CEP112: variants seen among roughly 807,000 people sequenced by gnomAD.
CEP112 encodes centrosomal protein of 112 kDa.
A neutral mutation model predicts 153.0 loss-of-function variants in CEP112; 127 were observed. The ratio of observed to expected loss-of-function variants is 0.83; its 90% CI spans 0.72 to 0.96. The LOEUF (loss-of-function observed/expected upper bound fraction) is 0.96. Among genes scored for constraint, CEP112 ranks in the 40% least tolerant of loss-of-function variants. The pLI, the probability that CEP112 is intolerant of heterozygous loss-of-function variation, is 0.00. For missense variants in CEP112, 1,089 were observed against 1,101.2 expected, an observed-to-expected ratio of 0.99 and a Z score of 0.16; for synonymous variants, 358 against 374.4, an observed-to-expected ratio of 0.96 and a Z score of 0.51.
At chr17:66,019,679 T>C (rs542077355) in intron 16 of CEP112, among the ~76,000 whole-genome samples, 1 of 152,326 alleles carries the variant, frequency 6.6e-6, no homozygotes, top group Admixed American at 6.5e-5. Flanking sequence ...ACAACTAATA[T>C]ACATTAACAA....
intron 8 of CEP112, among the ~76,000 whole-genome samples, chr17:66,088,129 C>T (rs557493894): frequency 6.6e-6 from 1 of 152,152 alleles, no homozygotes; most frequent in South Asian, 2.1e-4. Flanking sequence ...TTCAGCTCCA[C>T]CCCAGAGCCA....
chr17:65,911,426 T>C (rs2060279062), intron 19 of CEP112, among the ~76,000 whole-genome samples: 1 of 152,222 alleles, frequency 6.6e-6, no homozygotes, highest in African/African-American at 2.4e-5. Flanking sequence ...CCCTCAAAAT[T>C]GAACCACAAA....
At chr17:65,998,382 CAAAAAAA>C (rs34117654) in intron 17 of CEP112, among the ~76,000 whole-genome samples, 2 of 70,020 alleles carry the variant, frequency 2.9e-5, no homozygotes, top group Non-Finnish European at 4.8e-5. Context: ...GGCCTCGTCT[CAAAAAAA>C]AAAAAAAAAA....
At chr17:65,683,930 A>T (rs966960235) in intron 24 of CEP112, among the ~76,000 whole-genome samples, 1 of 152,068 alleles carries the variant, frequency 6.6e-6, no homozygotes, top group Non-Finnish European at 1.5e-5. Flanking sequence ...AATCCCAGCT[A>T]CTCGGAAGGC....
intron 11 of CEP112, 150 bp from the exon 12 acceptor site, chr17:66,054,029 A>C: frequency 2.1e-6 from 1 of 475,612 alleles, no homozygotes; most frequent in Non-Finnish European, 3.6e-6. Flanking sequence ...TAAACATTCA[A>C]GGTAAAGATA....
At chr17:66,167,342 C>T (rs1171727963) in intron 4 of CEP112, among the ~76,000 whole-genome samples, 1 of 151,900 alleles carries the variant, frequency 6.6e-6, no homozygotes, top group Non-Finnish European at 1.5e-5. Context: ...TAACACTTAA[C>T]AGGCCCTCTG....
In CEP112 at chr17:66,128,325, C is replaced by A. The variant is rs1216012602; in HGVS notation, c.642+1421G>T. Among the ~76,000 whole-genome samples the A allele has an allele frequency of 1.1e-3, 123 of 109,630 alleles. 1 individual carries two copies. Among genetic ancestry groups the A allele is most frequent in the African/African-American group, 2.9e-3 (88 of 30,072 alleles). The allele number at this position is 109,630 out of a possible 152,430, so 71.9% of individuals were successfully genotyped here. On this transcript the variant is annotated intron_variant, in intron 6 of 26. Coordinates refer to ENST00000535342, the MANE Select transcript of CEP112 (RefSeq NM_001199165.4). ...CTCAAAAAAAAAAAAAAAAAAAAGA[C>A]AGAAAGAAAAAGTATAAGAAAAAAA...
chr17:66,024,691 T>C (rs182546076), intron 16 of CEP112, among the ~76,000 whole-genome samples: 1 of 152,216 alleles, frequency 6.6e-6, no homozygotes, highest in African/African-American at 2.4e-5. Context: ...CGGATTAGAA[T>C]AATTAATATT....
At chr17:65,844,280 A>G (rs1598755966) in intron 21 of CEP112, among the ~76,000 whole-genome samples, 1 of 152,242 alleles carries the variant, frequency 6.6e-6, no homozygotes, top group African/African-American at 2.4e-5. Flanking sequence ...CTGAAATGCA[A>G]TTTGACCTGT....
intron 21 of CEP112, among the ~76,000 whole-genome samples, chr17:65,825,614 G>T (rs990307470): frequency 1.3e-5 from 2 of 152,182 alleles, no homozygotes; most frequent in Non-Finnish European, 2.9e-5. Flanking sequence ...GAGACGGATC[G>T]TGGTGATGGT....
At chr17:65,798,577 A>T (rs1284066465) in intron 21 of CEP112, among the ~76,000 whole-genome samples, 1 of 152,168 alleles carries the variant, frequency 6.6e-6, no homozygotes, top group Non-Finnish European at 1.5e-5. Flanking sequence ...CTCATTATTC[A>T]ATTTCATTTA....
At chr17:65,649,104 A>G (rs1164253602) in intron 24 of CEP112, among the ~76,000 whole-genome samples, 1 of 134,142 alleles carries the variant, frequency 7.5e-6, no homozygotes, top group Non-Finnish European at 1.6e-5. Flanking sequence ...ACACACACAC[A>G]CACACACACA....
intron 4 of CEP112, among the ~76,000 whole-genome samples, chr17:66,171,743 T>C (rs2072250942): frequency 6.6e-6 from 1 of 152,212 alleles, no homozygotes; most frequent in South Asian, 2.1e-4. Flanking sequence ...ATCTGTTAAC[T>C]AATGTAAATC....
chr17:66,075,948 T>G (rs1303317632), intron 8 of CEP112, among the ~76,000 whole-genome samples: 1 of 152,042 alleles, frequency 6.6e-6, no homozygotes, highest in Non-Finnish European at 1.5e-5. Context: ...CTGGGAAAAC[T>G]CAAGGTCTGG....
chr17:66,092,582 T>C (rs960920147), intron 8 of CEP112, among the ~76,000 whole-genome samples: 19 of 152,114 alleles, frequency 1.2e-4, no homozygotes, highest in Admixed American at 2.6e-4. Flanking sequence ...AGGAAAATTA[T>C]AGGCCAATAT....
intron 21 of CEP112, among the ~76,000 whole-genome samples, chr17:65,760,394 G>A (rs1959327063): frequency 6.6e-6 from 1 of 152,076 alleles, no homozygotes; most frequent in South Asian, 2.1e-4. Context: ...TTAGCTGTAG[G>A]TTTTTTGTAG....
chr17:65,966,448 T>C (rs1178548885), intron 17 of CEP112, among the ~76,000 whole-genome samples: 2 of 152,206 alleles, frequency 1.3e-5, no homozygotes, highest in Non-Finnish European at 2.9e-5. Flanking sequence ...CCAACATGTA[T>C]GTATAAGGCT....
At chr17:66,106,095 T>C (rs889728804) in intron 6 of CEP112, among the ~76,000 whole-genome samples, 4 of 151,956 alleles carry the variant, frequency 2.6e-5, no homozygotes, top group African/African-American at 9.7e-5. Context: ...AAGGAAAATT[T>C]TCTTGAAACA....
chr17:66,053,729 G>A lies in CEP112; in HGVS notation c.1218+7C>T, dbSNP rs368005596. 2.5e-6 allele frequency: 4 copies of A among 1,608,552 alleles called. No individual in the cohort carries two copies. The highest frequency in any genetic ancestry group is 2.7e-5 in the African/African-American group (2 of 74,794). Reference sequence around the variant, plus strand: ...CTAAGATGTCAAGAACAGGTTTAAAGACTCACTGTGGACTGTGTTTGCGCC... The same window carrying A: ...CTAAGATGTCAAGAACAGGTTTAAAAACTCACTGTGGACTGTGTTTGCGCC... On this transcript the variant is annotated splice_region_variant and intron_variant, in intron 12 of 26. Coordinates refer to ENST00000535342, the MANE Select transcript of CEP112 (RefSeq NM_001199165.4).
Sources: gnomAD v4.1 joint callset for allele counts (sites outside exome capture counted in the v4.1 genomes callset) on GRCh38, gnomAD v4.1.1 for gene constraint, MANE v1.5 for transcripts, NCBI Gene and HGNC (gene_info 2026-07-23, HGNC 2026-07-21) for gene names.